Variants in MAP4 observed in about 807,000 individuals in gnomAD.
The protein encoded by MAP4 is microtubule associated protein 4.
Under a neutral mutation model 170.2 loss-of-function variants are expected in MAP4, and 76 were observed. That is an observed-to-expected ratio of 0.45 (90% CI 0.37 to 0.54). MAP4 has a LOEUF of 0.54. MAP4 is among the 20% of genes least tolerant of loss of function. MAP4 has a pLI of 0.00. For synonymous variants in MAP4, 909 were observed against 994.5 expected (o/e 0.91, Z 1.62); for missense variants, 2,506 against 2,748.0 (o/e 0.91, Z 1.97).
In MAP4 at chr3:47,853,313, G is replaced by C. The variant is rs564138197; in HGVS notation, c.6736C>G (p.Pro2246Ala). ...ATGGCCGGCTCCTCCCCAGCAGGGG[G>C]ACCCGGACACAGAGGAGCCTCGCTG... ...GGSEAPLCPG[P>A]PAGEEPAISE... The change falls in exon 20 of 21, where the codon CCC becomes GCC. Residue 2246 changes from proline to alanine, a missense_variant. Physicochemically the swap from Pro to Ala is conservative, Grantham distance 27. This residue lies in a region of MAP4 where 487 missense variants were observed against 511.6 expected (regional missense o/e 0.95). Transcript: ENST00000683076. The C allele has an allele frequency of 3.1e-5, 50 of 1,611,066 alleles. No individual in the cohort carries two copies. Among genetic ancestry groups the C allele is most frequent in the Admixed American group, 3.0e-4 (18 of 59,814 alleles).
intron 1 of MAP4, among the ~76,000 whole-genome samples, chr3:48,007,154 T>C (rs1234087323): frequency 6.6e-6 from 1 of 152,210 alleles, no homozygotes; most frequent in Non-Finnish European, 1.5e-5. Context: ...GATCAAGAAA[T>C]AGCAAACACA....
intron 4 of MAP4, among the ~76,000 whole-genome samples, chr3:47,924,103 G>T (rs1252339457): frequency 6.6e-6 from 1 of 152,092 alleles, no homozygotes; most frequent in Non-Finnish European, 1.5e-5. Context: ...TTTTTACTGG[G>T]TGCCTACCAC....
At chr3:48,026,758 CCCACCTACATCATTATTT>C (rs1392755521) in intron 1 of MAP4, among the ~76,000 whole-genome samples, 1 of 151,968 alleles carries the variant, frequency 6.6e-6, no homozygotes, top group Non-Finnish European at 1.5e-5. Context: ...GTGATGAACA[CCCACCTACATCATTATTT>C]CCATATAGAA....
At chr3:48,077,956 C>G (rs2100144776) in intron 1 of MAP4, among the ~76,000 whole-genome samples, 1 of 152,152 alleles carries the variant, frequency 6.6e-6, no homozygotes, top group South Asian at 2.1e-4. Context: ...TGTATGATTC[C>G]ATTAATATGG....
intron 10 of MAP4, 149 bp from the exon 11 acceptor site, chr3:47,877,672 C>T (rs1407062592): frequency 1.8e-6 from 1 of 546,514 alleles, no homozygotes; most frequent in Non-Finnish European, 3.2e-6. Flanking sequence ...GTGGACAAGC[C>T]TCCCAAGTTC....
At chr3:47,956,063 G>A (rs1489803010) in intron 3 of MAP4, among the ~76,000 whole-genome samples, 1 of 152,120 alleles carries the variant, frequency 6.6e-6, no homozygotes, top group East Asian at 1.9e-4. Context: ...CTAACCATGG[G>A]ACATAATGCA....
Position 47,916,882 on chromosome 3 carries a change from G to C in MAP4, c.945C>G (p.Ala315=). The C allele has an allele frequency of 6.2e-7, 1 of 1,614,146 alleles. No individual in the cohort carries two copies. The highest frequency in any genetic ancestry group is 8.5e-7 in the Non-Finnish European group (1 of 1,180,026). ...TGGGCCATCTGACATCCTTAACCAG[G>C]GCCACTTCTTTTTCTGTGGGTAGTT... The part of the protein sequence containing the change: ...DMELPTEKEV[A]LVKDVRWPTE... Residue 315 remains alanine (A), a synonymous_variant, in exon 7 of 21, where the codon GCC becomes GCG. Coordinates refer to ENST00000683076, the MANE Select transcript of MAP4 (RefSeq NM_001385682.1).
chr3:48,063,099 C>T (rs1180617758), intron 1 of MAP4, among the ~76,000 whole-genome samples: 5 of 150,546 alleles, frequency 3.3e-5, no homozygotes, highest in Non-Finnish European at 5.9e-5. Context: ...TTCTGACAAC[C>T]GTGGTTAAAA....
At chr3:48,070,424 C>T (rs1479727213) in intron 1 of MAP4, among the ~76,000 whole-genome samples, 1 of 151,668 alleles carries the variant, frequency 6.6e-6, no homozygotes, top group Non-Finnish European at 1.5e-5. Flanking sequence ...TTTAATTTTA[C>T]TCTTGGCCTT....
intron 1 of MAP4, among the ~76,000 whole-genome samples, chr3:48,054,978 C>A (rs1021546330): frequency 6.6e-6 from 1 of 152,042 alleles, no homozygotes; most frequent in African/African-American, 2.4e-5. Flanking sequence ...TAGCAAAGGC[C>A]AAGTGGGGAG....
At chr3:47,959,477 C>T (rs2100070073) in intron 3 of MAP4, among the ~76,000 whole-genome samples, 1 of 150,084 alleles carries the variant, frequency 6.7e-6, no homozygotes, top group South Asian at 2.1e-4. Flanking sequence ...AAAAATGTGG[C>T]TGGGCGCAGT....
intron 16 of MAP4, among the ~76,000 whole-genome samples, chr3:47,868,479 G>A (rs776754683): frequency 2.0e-5 from 3 of 152,156 alleles, no homozygotes; most frequent in South Asian, 2.1e-4. Context: ...CTGTAGGAAT[G>A]CCCTAGGCTG....
chr3:47,882,725 C>T (rs773383322), intron 10 of MAP4, among the ~76,000 whole-genome samples: 7 of 152,036 alleles, frequency 4.6e-5, no homozygotes, highest in Non-Finnish European at 1.0e-4. Context: ...CAGATGCACA[C>T]CGCCACACCC....
chr3:47,948,397 C>T (rs1012583736), intron 3 of MAP4, among the ~76,000 whole-genome samples: 3 of 151,356 alleles, frequency 2.0e-5, no homozygotes, highest in Admixed American at 2.0e-4. Flanking sequence ...CCATGCCAGG[C>T]TAATTTTTGT....
In MAP4 at chr3:47,911,627, A is replaced by G; in HGVS notation, c.2794T>C (p.Ser932Pro). The G allele has an allele frequency of 2.6e-6, 4 of 1,536,098 alleles. No individual in the cohort carries two copies. Among genetic ancestry groups the G allele is most frequent in the Non-Finnish European group, 3.5e-6 (4 of 1,146,894 alleles). Residue 932 changes from serine (S) to proline (P), a missense_variant, in exon 9 of 21, where the codon TCT (serine) becomes CCT (proline). By Grantham distance (74) the Ser-to-Pro change is moderately conservative. Around this residue, in one of 3 missense-constraint regions of MAP4, gnomAD observed 2,008 missense variants for 2,206.0 expected, o/e 0.91. Transcript: ENST00000683076. The surrounding 1 kb of genome is among the most constrained non-coding windows in gnomAD (Gnocchi z 4.0). ...LNLKGPLAEV[S>P]AYNVETPLDI... ...AAAGGGGTTTCTACATTGTATGCAG[A>G]AACTTCTGCTAGGGGTCCTTTCAGA... is the stretch of plus-strand genomic sequence containing the variant.
chr3:47,897,574 C>A (rs1216121444), intron 10 of MAP4, among the ~76,000 whole-genome samples: 1 of 152,000 alleles, frequency 6.6e-6, no homozygotes, highest in Non-Finnish European at 1.5e-5. Context: ...GGGGAGCAAA[C>A]GCGTGTTTGA....
rs922109478 is a variant in MAP4, at chr3:47,911,223, T to C, written c.3198A>G (p.Gly1066=). Residue 1066 remains glycine (G), a synonymous_variant, in exon 9 of 21, where the codon GGA becomes GGG. Coordinates refer to ENST00000683076, the MANE Select transcript of MAP4 (RefSeq NM_001385682.1). This position sits in a 1 kb window ranked among gnomAD's most constrained non-coding sequence, Gnocchi z 4.0. ...AATCTGTTCTCATTTTCCCAGAACT[T>C]CCCCTTCCCTTCCTGCTTTTGCCAT... is the stretch of plus-strand genomic sequence containing the variant. ...AGDGKSRKGR[G]SSGKMRTDSG... 1.3e-6 allele frequency: 2 copies of C among 1,536,062 alleles called. No individual in the cohort carries two copies. Among genetic ancestry groups the C allele is most frequent in the African/African-American group, 2.7e-5 (2 of 73,138 alleles).
intron 1 of MAP4, among the ~76,000 whole-genome samples, chr3:48,041,010 T>C (rs2100121387): frequency 6.6e-6 from 1 of 152,030 alleles, no homozygotes; most frequent in South Asian, 2.1e-4. Flanking sequence ...AATAAAATTG[T>C]ATTTTAAATG....
Position 47,917,194 on chromosome 3 carries a change from C to T in MAP4, c.653-20G>A, listed in dbSNP as rs773708050. 6 of 1,599,614 alleles carry T rather than the reference C, an allele frequency of 3.8e-6. No homozygotes were observed. In the South Asian group the frequency reaches 5.6e-5, roughly 15 times the overall value. The stretch of plus-strand genomic sequence containing the variant: ...AGGGAACTAAATTGGAAATTTAGGA[C>T]ACATCATTGTCTACTCATACCTTTG... On this transcript the variant is annotated intron_variant, in intron 6 of 20. Coordinates refer to ENST00000683076, the MANE Select transcript of MAP4 (RefSeq NM_001385682.1).
Sources: gnomAD v4.1 joint callset for allele counts (sites outside exome capture counted in the v4.1 genomes callset) on GRCh38, gnomAD v4.1.1 for gene constraint, gnomAD v4.1.1 regional missense constraint, Gnocchi (gnomAD v3.1) non-coding constraint, MANE v1.5 for transcripts, NCBI Gene and HGNC (gene_info 2026-07-23, HGNC 2026-07-21) for gene names.